The following ATF3 variants were observed in gnomAD, a reference collection of about 807,000 sequenced individuals.
ATF3 encodes the protein activating transcription factor 3.
Under a neutral mutation model 18.4 loss-of-function variants are expected in ATF3, and 10 were observed. The ratio of observed to expected loss-of-function variants is 0.54; its 90% confidence interval spans 0.34 to 0.92. ATF3 has a LOEUF of 0.92. Ranked by LOEUF, ATF3 falls within the 40% of genes least tolerant of loss-of-function variation. The pLI is 0.02. For missense variants in ATF3, 183 were observed against 222.3 expected (o/e 0.82, Z 1.12); for synonymous variants, 78 against 87.9 (o/e 0.89, Z 0.63).
At position 212,618,618 on chromosome 1, in the gene ATF3, A is replaced by C. The variant is rs1655236503; in HGVS notation, c.348+384A>C. 2 of 386,730 alleles carry C rather than the reference A, an allele frequency of 5.2e-6. No individual in the cohort carries two copies. The highest frequency in any genetic ancestry group is 4.1e-5 in the Admixed American group (1 of 24,302). The allele number at this position is 386,730 out of a possible 1,614,324, so 24.0% of individuals were successfully genotyped here. A position where few individuals can be genotyped will look rare whatever the true frequency, so the allele number is the denominator to read the frequency against. On this transcript the variant is annotated intron_variant, in intron 3 of 3. Coordinates refer to ENST00000341491, the MANE Select transcript of ATF3 (RefSeq NM_001674.4). The surrounding 1 kb of genome is among the most constrained non-coding windows in gnomAD (Gnocchi z 4.4). Reference sequence around the variant, plus strand: ...GGCTCACTATGAAAAGCCTTTAATTAATCTCTTCAAACAAGTTATTTCCTT... The same window carrying C: ...GGCTCACTATGAAAAGCCTTTAATTCATCTCTTCAAACAAGTTATTTCCTT...
chr1:212,603,774 A>ATGTG (rs200683844), upstream of ATF3, among the ~76,000 whole-genome samples: 4,388 of 81,872 alleles, frequency 0.054, 382 homozygotes, highest in Admixed American at 0.27. Context: ...GTGTGTATAT[A>ATGTG]TATGTGTGTG....
intron 1 of ATF3, among the ~76,000 whole-genome samples, chr1:212,588,360 G>T (rs897936465): frequency 7.2e-5 from 11 of 152,198 alleles, no homozygotes; most frequent in Middle Eastern, 3.4e-3. Context: ...GTGAAGACAG[G>T]TTTGCTGACA....
At chr1:212,595,209 C>G (rs11119984) in intron 1 of ATF3, among the ~76,000 whole-genome samples, 43,919 of 152,134 alleles carry the variant, frequency 0.29, 7,421 homozygotes, top group African/African-American at 0.47. Flanking sequence ...CCCTAGGACT[C>G]TTTGGCTCGT....
At chr1:212,597,718 C>A (rs1317813529) in intron 1 of ATF3, among the ~76,000 whole-genome samples, 2 of 152,130 alleles carry the variant, frequency 1.3e-5, no homozygotes, top group Non-Finnish European at 2.9e-5. Context: ...AGAACTTGAA[C>A]CTTGGCCCGA....
At position 212,619,378 on chromosome 1, in the gene ATF3, T is replaced by C; in HGVS notation, c.369T>C (p.Ser123=). The C allele has an allele frequency of 1.2e-6, 2 of 1,613,566 alleles. No individual in the cohort carries two copies. Among genetic ancestry groups the C allele is most frequent in the Non-Finnish European group, 1.7e-6 (2 of 1,179,992 alleles). Residue 123 remains serine (S), a synonymous_variant, in exon 4 of 4, where the codon AGT becomes AGC. Coordinates refer to ENST00000341491, the MANE Select transcript of ATF3 (RefSeq NM_001674.4). This position sits in a 1 kb window ranked among gnomAD's most constrained non-coding sequence, Gnocchi z 4.4. ...CCCAGGAGTCGGAGAAGCTGGAAAG[T>C]GTGAATGCTGAACTGAAGGCTCAGA... is the stretch of plus-strand genomic sequence containing the variant. The part of the protein sequence containing the change: ...CLQKESEKLE[S]VNAELKAQIE...
At chr1:212,579,367 C>T (rs1340447004) in intron 1 of ATF3, among the ~76,000 whole-genome samples, 2 of 152,156 alleles carry the variant, frequency 1.3e-5, no homozygotes, top group Admixed American at 6.5e-5. Flanking sequence ...CATGTACCTT[C>T]CCCATCATAA....
At position 212,619,272 on chromosome 1, in the gene ATF3, C is replaced by T. The variant is rs1456592305; in HGVS notation, c.349-86C>T. 6.2e-6 allele frequency: 10 copies of T among 1,611,374 alleles called. No homozygotes were observed. The highest frequency in any genetic ancestry group is 1.3e-5 in the African/African-American group (1 of 74,860). ...TGAGCCCCGGTGTGTCCCAGGTACA[C>T]CCCTGCATCCAGGCAGCAGCCCAGG... On this transcript the variant is annotated intron_variant, in intron 3 of 3. Coordinates refer to ENST00000341491, the MANE Select transcript of ATF3 (RefSeq NM_001674.4). This position sits in a 1 kb window ranked among gnomAD's most constrained non-coding sequence, Gnocchi z 4.4.
In ATF3 at chr1:212,617,825, A is replaced by C. The variant is rs533372168; in HGVS notation, c.241-302A>C. 1.1e-4 allele frequency among the ~76,000 whole-genome samples: 16 copies of C among 152,348 alleles called. No individual in the cohort carries two copies. The South Asian group carries it at 2.5e-3, about 24-fold the overall frequency. On this transcript the variant is annotated intron_variant, in intron 2 of 3. Transcript: ENST00000341491. ...TTAATACCAATAGTTATCAATTTGC[A>C]TATTATCCTCATCTCAAAATCCAAA...
intron 1 of ATF3, among the ~76,000 whole-genome samples, chr1:212,565,880 T>C (rs1664373388): frequency 6.6e-6 from 1 of 152,194 alleles, no homozygotes; most frequent in Non-Finnish European, 1.5e-5. Flanking sequence ...AGGGCATTGA[T>C]TACTCATAAT....
At chr1:212,602,253 T>C (rs76839759) in intron 1 of ATF3, among the ~76,000 whole-genome samples, 2 of 152,280 alleles carry the variant, frequency 1.3e-5, no homozygotes, top group East Asian at 3.9e-4. Context: ...AAGGTGCCCC[T>C]AAAATGTTTT....
chr1:212,593,858 TC>T (rs1161212842), intron 1 of ATF3, among the ~76,000 whole-genome samples: 1 of 144,548 alleles, frequency 6.9e-6, no homozygotes. Flanking sequence ...CCTAGGGCTG[TC>T]TTTATTTTTC....
chr1:212,571,556 A>G (rs1484809615), intron 1 of ATF3, among the ~76,000 whole-genome samples: 1 of 147,564 alleles, frequency 6.8e-6, no homozygotes, highest in Non-Finnish European at 1.5e-5. Context: ...TACAGCCACC[A>G]CCACGCCTGG....
At chr1:212,567,173 T>C (rs987654722) in intron 1 of ATF3, among the ~76,000 whole-genome samples, 6 of 152,258 alleles carry the variant, frequency 3.9e-5, no homozygotes, top group Admixed American at 2.6e-4. Flanking sequence ...CTTTTTTTTT[T>C]TGAAGCCCCA....
At chr1:212,582,112 A>G (rs1664694354) in intron 1 of ATF3, among the ~76,000 whole-genome samples, 1 of 152,242 alleles carries the variant, frequency 6.6e-6, no homozygotes, top group African/African-American at 2.4e-5. Flanking sequence ...CCAGGTAAGC[A>G]TGAATTTCAA....
At chr1:212,582,483 G>T (rs1385959656) in intron 1 of ATF3, among the ~76,000 whole-genome samples, 2 of 152,188 alleles carry the variant, frequency 1.3e-5, no homozygotes, top group Admixed American at 6.5e-5. Context: ...CCCCCACAAA[G>T]CTCTATTTTA....
At chr1:212,571,688 A>C (rs892679487) in intron 1 of ATF3, among the ~76,000 whole-genome samples, 1 of 142,342 alleles carries the variant, frequency 7.0e-6, no homozygotes, top group African/African-American at 2.6e-5. Context: ...GGGATTACAG[A>C]CGTGAACCAC....
At position 212,615,248 on chromosome 1, in the gene ATF3, T is replaced by C. The variant is rs1400474554; in HGVS notation, c.227T>C (p.Ile76Thr). The C allele has an allele frequency of 6.2e-7, 1 of 1,611,676 alleles. No homozygotes were observed. The highest frequency in any genetic ancestry group is 8.5e-7 in the Non-Finnish European group (1 of 1,179,804). Residue 76 changes from isoleucine (I) to threonine (T), a missense_variant, in exon 2 of 4, where the codon ATC (isoleucine) becomes ACC (threonine). Physicochemically the swap from Ile to Thr is moderately conservative, Grantham distance 89. Coordinates refer to ENST00000341491, the MANE Select transcript of ATF3 (RefSeq NM_001674.4). Reference protein sequence around the residue: ...TVSDRPLGVSITKAEVAPEED... With the variant: ...TVSDRPLGVSTTKAEVAPEED... ...AGCGACAGACCCCTCGGGGTGTCCA[T>C]CACAAAAGCCGAGGTGGGTTCTATC... is the stretch of plus-strand genomic sequence containing the variant.
chr1:212,616,323 GTC>G (rs768948978), intron 2 of ATF3, among the ~76,000 whole-genome samples: 1 of 151,804 alleles, frequency 6.6e-6, no homozygotes, highest in Non-Finnish European at 1.5e-5. Flanking sequence ...TTGAGACAGA[GTC>G]TTGTTCTGTC....
intron 1 of ATF3, among the ~76,000 whole-genome samples, chr1:212,566,926 G>A (rs1179950942): frequency 5.9e-5 from 9 of 152,146 alleles, no homozygotes; most frequent in Non-Finnish European, 1.5e-5. Flanking sequence ...AGAGTGACCT[G>A]TCTCGAGCCA....
Sources: allele counts gnomAD v4.1 joint callset (sites outside exome capture counted in the v4.1 genomes callset), GRCh38; gene constraint gnomAD v4.1.1; non-coding constraint Gnocchi (gnomAD v3.1); transcripts MANE v1.5; gene names NCBI Gene and HGNC (gene_info 2026-07-23, HGNC 2026-07-21).